The following CNTN1 variants were observed in gnomAD, a reference collection of about 807,000 sequenced individuals.
CNTN1 encodes the protein contactin-1.
CNTN1 carries 38 observed loss-of-function variants against 126.4 expected under a neutral mutation model. The ratio of observed to expected loss-of-function variants is 0.30; its 90% CI spans 0.23 to 0.39. The LOEUF is 0.39. Among genes scored for constraint, CNTN1 ranks in the 10% least tolerant of loss-of-function variants. The pLI, the probability that CNTN1 is intolerant of heterozygous loss-of-function variation, is 1.00. For synonymous variants in CNTN1, 413 were observed against 422.6 expected (o/e 0.98, Z 0.28); for missense variants, 1,009 against 1,248.4 (o/e 0.81, Z 2.89).
chr12:40,697,495 G>T (rs1306379368), intron 1 of CNTN1, among the ~76,000 whole-genome samples: 1 of 152,050 alleles, frequency 6.6e-6, no homozygotes, highest in Admixed American at 6.6e-5. Flanking sequence ...TCTGCATCTT[G>T]TTCTTTGCAT....
At chr12:40,813,051 CT>C (rs1313332868) in intron 1 of CNTN1, among the ~76,000 whole-genome samples, 6 of 111,906 alleles carry the variant, frequency 5.4e-5, no homozygotes, top group South Asian at 6.0e-4. Context: ...TTCTTTCTTT[CT>C]TTCTTTCTTC....
intron 1 of CNTN1, chr12:40,729,241 G>A: frequency 5.6e-6 from 1 of 178,112 alleles, no homozygotes; most frequent in Non-Finnish European, 1.2e-5. Flanking sequence ...CTAGAGAAGT[G>A]TTGAATATTG....
At chr12:40,874,269 A>G (rs955066354) in intron 1 of CNTN1, among the ~76,000 whole-genome samples, 1 of 152,130 alleles carries the variant, frequency 6.6e-6, no homozygotes. Context: ...TATACAACCT[A>G]GTAAATACAA....
At chr12:40,965,292 C>A (rs1947264900) in intron 15 of CNTN1, among the ~76,000 whole-genome samples, 1 of 152,064 alleles carries the variant, frequency 6.6e-6, no homozygotes, top group South Asian at 2.1e-4. Context: ...CTGTATTTTC[C>A]ATCTACATGG....
At chr12:41,018,275 A>G (rs1367672348) in intron 19 of CNTN1, among the ~76,000 whole-genome samples, 2 of 152,092 alleles carry the variant, frequency 1.3e-5, no homozygotes, top group African/African-American at 4.8e-5. Flanking sequence ...CTTGAAAACT[A>G]AAGGTGTGTG....
intron 1 of CNTN1, among the ~76,000 whole-genome samples, chr12:40,696,271 G>A (rs1347931901): frequency 2.0e-5 from 3 of 152,142 alleles, no homozygotes; most frequent in African/African-American, 4.8e-5. Context: ...AACTTTACAG[G>A]CTTTCTGGCT....
rs181280651 is a variant in CNTN1, at chr12:40,972,799, C to T, written c.1805-8110C>T. ...CAGCACCATGGAGACATGTATGAATCGTATTAAGGGCATCTTTCCATGTAG... is the reference window on the plus strand; with the variant it reads ...CAGCACCATGGAGACATGTATGAATTGTATTAAGGGCATCTTTCCATGTAG... On this transcript the variant is annotated intron_variant, in intron 15 of 23. Coordinates refer to ENST00000551295, the MANE Select transcript of CNTN1 (RefSeq NM_001843.4). 118 of 235,604 alleles carry T rather than the reference C, an allele frequency of 5.0e-4. No homozygotes were observed. In the Middle Eastern group the frequency reaches 8.2e-3, roughly 16 times the overall value. 14.6% of individuals were successfully genotyped at this position (235,604 alleles called of 1,614,324 possible).
intron 1 of CNTN1, among the ~76,000 whole-genome samples, chr12:40,780,686 GAA>G (rs11393889): frequency 7.8e-6 from 1 of 128,276 alleles, no homozygotes. Flanking sequence ...TTCCATCTAA[GAA>G]AAAAAAAAAA....
chr12:40,999,431 T>C (rs1157431223), intron 17 of CNTN1, among the ~76,000 whole-genome samples: 1 of 152,152 alleles, frequency 6.6e-6, no homozygotes, highest in African/African-American at 2.4e-5. Context: ...TCCTTGTACT[T>C]AGGGTGATTT....
At chr12:40,801,979 G>A (rs1940675259) in intron 1 of CNTN1, among the ~76,000 whole-genome samples, 1 of 151,782 alleles carries the variant, frequency 6.6e-6, no homozygotes, top group Non-Finnish European at 1.5e-5. Context: ...GTAGATGGAA[G>A]ATGGATACAA....
intron 1 of CNTN1, among the ~76,000 whole-genome samples, chr12:40,906,557 G>C (rs1444616581): frequency 6.6e-6 from 1 of 151,576 alleles, no homozygotes; most frequent in Non-Finnish European, 1.5e-5. Context: ...TGACATAATA[G>C]TATGGTGCAA....
At chr12:41,044,364 T>C (rs1018865128) in intron 23 of CNTN1, among the ~76,000 whole-genome samples, 55 of 152,004 alleles carry the variant, frequency 3.6e-4, no homozygotes, top group Non-Finnish European at 1.5e-4. Flanking sequence ...AGAATTCTGG[T>C]GCAAACAAAG....
chr12:40,834,654 A>G (rs1462457415), intron 1 of CNTN1, among the ~76,000 whole-genome samples: 1 of 152,212 alleles, frequency 6.6e-6, no homozygotes, highest in African/African-American at 2.4e-5. Context: ...AATAAAAGAA[A>G]TAGATCAGTA....
intron 7 of CNTN1, among the ~76,000 whole-genome samples, 171 bp downstream of exon 7, chr12:40,930,173 G>A (rs1348335956): frequency 6.6e-6 from 1 of 151,998 alleles, no homozygotes; most frequent in African/African-American, 2.4e-5. Context: ...TTTTTGCGTT[G>A]AGAAGATTTA....
At chr12:41,025,414 A>G in intron 21 of CNTN1, 78 bp downstream of exon 21, 1 of 1,430,690 alleles carries the variant, frequency 7.0e-7, no homozygotes, top group African/African-American at 1.4e-5. Flanking sequence ...ATTTGAAGGA[A>G]ATTTCCTACC....
intron 1 of CNTN1, among the ~76,000 whole-genome samples, chr12:40,831,072 A>G (rs1337941601): frequency 2.1e-5 from 3 of 145,750 alleles, no homozygotes; most frequent in Non-Finnish European, 4.5e-5. Context: ...TACAGTATAT[A>G]TACTATACAT....
At chr12:40,987,606 C>T (rs1205753144) in intron 16 of CNTN1, among the ~76,000 whole-genome samples, 1 of 152,064 alleles carries the variant, frequency 6.6e-6, no homozygotes, top group Non-Finnish European at 1.5e-5. Flanking sequence ...ATAGATTATG[C>T]AACATGAAGA....
chr12:40,994,365 T>G (rs1341901373), intron 17 of CNTN1, among the ~76,000 whole-genome samples: 1 of 152,114 alleles, frequency 6.6e-6, no homozygotes, highest in African/African-American at 2.4e-5. Flanking sequence ...GTATTTGAGA[T>G]AGGTAAGTAA....
intron 1 of CNTN1, among the ~76,000 whole-genome samples, chr12:40,797,510 C>T (rs75133381): frequency 0.012 from 1,779 of 151,958 alleles, 42 homozygotes; most frequent in African/African-American, 0.041. Context: ...GGGAAAATAG[C>T]CAAAGATGAG....
Sources: gnomAD v4.1 joint callset for allele counts (sites outside exome capture counted in the v4.1 genomes callset) on GRCh38, gnomAD v4.1.1 for gene constraint, MANE v1.5 for transcripts, NCBI Gene and HGNC (gene_info 2026-07-23, HGNC 2026-07-21) for gene names.